AGPAT5: variants seen among roughly 807,000 people sequenced by gnomAD.
AGPAT5 encodes 1-acylglycerol-3-phosphate O-acyltransferase 5.
AGPAT5 carries 46 observed loss-of-function variants against 45.6 expected under a neutral mutation model. The observed-to-expected ratio is 1.01, with a 90% CI of 0.80 to 1.29. The LOEUF (loss-of-function observed/expected upper bound fraction) is 1.29, where lower values mean the gene tolerates loss of function less well. AGPAT5 is among the 50% of genes most tolerant of loss of function. The pLI is 0.00. For missense variants in AGPAT5, 673 were observed against 450.7 expected, an observed-to-expected ratio of 1.49 and a Z score of -4.47; for synonymous variants, 272 against 167.0, an observed-to-expected ratio of 1.63 and a Z score of -4.85.
In AGPAT5 at chr8:6,747,741, A is replaced by T; in HGVS notation, c.658A>T (p.Asn220Tyr). The change falls in exon 6 of 8, where the codon AAT becomes TAT. Residue 220 changes from asparagine (N) to tyrosine (Y), a missense_variant. By Grantham distance (143) the Asn-to-Tyr change is moderately radical (BLOSUM62 -2). Transcript: ENST00000285518. ...ATHVAFDCMK[N>Y]YLDAIYDVTV... is the part of the protein sequence containing the mutation. The stretch of plus-strand genomic sequence containing the variant: ...TCACGTTGCTTTTGATTGCATGAAG[A>T]ATTATTTAGATGCAATTTATGATGT... The T allele has an allele frequency of 6.2e-7, 1 of 1,614,206 alleles. No homozygotes were observed. Among genetic ancestry groups the T allele is most frequent in the African/African-American group, 1.3e-5 (1 of 75,048 alleles).
intron 4 of AGPAT5, 106 bp downstream of exon 4, chr8:6,732,756 A>G (rs1800909457): frequency 9.9e-7 from 1 of 1,012,986 alleles, no homozygotes; most frequent in South Asian, 1.8e-5. Flanking sequence ...TCCCATGTGT[A>G]ATTACTAATT....
In AGPAT5 at chr8:6,757,452, C is replaced by T; in HGVS notation, c.*64C>T. 1 of 1,249,504 alleles carries T rather than the reference C, an allele frequency of 8.0e-7. No homozygotes were observed. The allele number at this position is 1,249,504 out of a possible 1,614,324, so 77.4% of individuals were successfully genotyped here. A position where few individuals can be genotyped will look rare whatever the true frequency, so the allele number is the denominator to read the frequency against. ...GTCTATTTTTGGCGGCTGCACATGA[C>T]ATCAAATTGTTTCCTGAATTTATTA... On this transcript the variant is annotated 3_prime_UTR_variant, in exon 8 of 8. Coordinates refer to ENST00000285518, the MANE Select transcript of AGPAT5 (RefSeq NM_018361.5).
At chr8:6,752,048 G>A (rs890086437) in intron 6 of AGPAT5, among the ~76,000 whole-genome samples, 15 of 152,042 alleles carry the variant, frequency 9.9e-5, no homozygotes, top group Admixed American at 2.0e-4. Context: ...ACAGTGGTAG[G>A]CACCTGTAAT....
chr8:6,726,351 C>T (rs978104598), intron 2 of AGPAT5, among the ~76,000 whole-genome samples: 5 of 152,118 alleles, frequency 3.3e-5, no homozygotes, highest in East Asian at 1.9e-4. Context: ...TATTTTGATC[C>T]AGTGTTAATT....
At chr8:6,727,849 A>T (rs1451512370) in intron 2 of AGPAT5, among the ~76,000 whole-genome samples, 1 of 152,232 alleles carries the variant, frequency 6.6e-6, no homozygotes, top group Admixed American at 6.5e-5. Flanking sequence ...GTTCTGCAAT[A>T]GGCTGTGTGT....
chr8:6,724,988 T>C (rs1285062774), intron 2 of AGPAT5, 49 bp downstream of exon 2: 1 of 722,354 alleles, frequency 1.4e-6, no homozygotes, highest in East Asian at 3.6e-5. Context: ...AGATGGCACA[T>C]GGGCATTCAA....
At position 6,708,663 on chromosome 8, in the gene AGPAT5, G is replaced by T; in HGVS notation, c.-6G>T. 6.4e-7 allele frequency: 1 copy of T among 1,563,416 alleles called. No homozygotes were observed. Among genetic ancestry groups the T allele is most frequent in the Non-Finnish European group, 8.6e-7 (1 of 1,161,944 alleles). On this transcript the variant is annotated 5_prime_UTR_variant, in exon 1 of 8. Coordinates refer to ENST00000285518, the MANE Select transcript of AGPAT5 (RefSeq NM_018361.5). ...AGGCGGAGCTCGCTGCCGCCGAGCT[G>T]AGAAGATGCTGCTGTCCCTGGTGCT...
Position 6,732,651 on chromosome 8 carries a change from G to A in AGPAT5, c.495+1G>A. ...GAGCTACGTGGACGCAGGAACTCCA[G>A]TAAGAGCCTACCCGTTTTTATTTTT... is the stretch of plus-strand genomic sequence containing the variant. On this transcript the variant is annotated splice_donor_variant, in intron 4 of 7. Coordinates refer to ENST00000285518, the MANE Select transcript of AGPAT5 (RefSeq NM_018361.5). LOFTEE classifies it high-confidence loss of function. 6.3e-7 allele frequency: 1 copy of A among 1,595,462 alleles called. No individual in the cohort carries two copies. Among genetic ancestry groups the A allele is most frequent in the Non-Finnish European group, 8.5e-7 (1 of 1,174,806 alleles).
At chr8:6,739,287 CTG>C (rs1801158398) in intron 4 of AGPAT5, among the ~76,000 whole-genome samples, 1 of 151,944 alleles carries the variant, frequency 6.6e-6, no homozygotes, top group Admixed American at 6.6e-5. Context: ...TTTTGCATTT[CTG>C]TGTGAATTAT....
chr8:6,735,353 C>T (rs563818777), intron 4 of AGPAT5, among the ~76,000 whole-genome samples: 22 of 152,232 alleles, frequency 1.4e-4, no homozygotes, highest in African/African-American at 4.6e-4. Context: ...CTTCCCTGAC[C>T]GCAGTGTGTT....
At chr8:6,729,345 C>CTTT (rs57365087) in intron 2 of AGPAT5, among the ~76,000 whole-genome samples, 6,635 of 143,168 alleles carry the variant, frequency 0.046, 477 homozygotes, top group African/African-American at 0.15. Flanking sequence ...TTTCTACAGA[C>CTTT]TTTTTTTTTT....
chr8:6,737,421 T>C (rs1801093538), intron 4 of AGPAT5, among the ~76,000 whole-genome samples: 1 of 152,220 alleles, frequency 6.6e-6, no homozygotes, highest in African/African-American at 2.4e-5. Context: ...TCTTATTCGG[T>C]ATTAGTATTT....
At position 6,757,631 on chromosome 8, in the gene AGPAT5, C is replaced by T. The variant is rs1801891001; in HGVS notation, c.*243C>T. On this transcript the variant is annotated 3_prime_UTR_variant, in exon 8 of 8. Transcript: ENST00000285518. ...AAAGCTAAATGGAGTTTCTCCTGCT[C>T]TGTCCATTTCCTATGAACTAATGAC... The T allele has an allele frequency of 2.4e-6, 1 of 413,112 alleles. No individual in the cohort carries two copies. 25.6% of individuals were successfully genotyped at this position (413,112 alleles called of 1,614,324 possible). A position where few individuals can be genotyped will look rare whatever the true frequency, so the allele number is the denominator to read the frequency against.
Position 6,708,841 on chromosome 8 carries a change from A to C in AGPAT5, c.173A>C (p.Tyr58Ser). 1.2e-6 allele frequency: 2 copies of C among 1,611,240 alleles called. No homozygotes were observed. Among genetic ancestry groups the C allele is most frequent in the Non-Finnish European group, 1.7e-6 (2 of 1,179,470 alleles). ...QALDDRLYCVYQSMVLFFFEN... is the reference protein window; with the variant it reads ...QALDDRLYCVSQSMVLFFFEN... Reference sequence around the variant, plus strand: ...CTGGACGACCGGCTCTACTGCGTCTACCAGAGCATGGTGCTCTTCTTCTTC... The same window carrying C: ...CTGGACGACCGGCTCTACTGCGTCTCCCAGAGCATGGTGCTCTTCTTCTTC... The change falls in exon 1 of 8, where the codon TAC (tyrosine) becomes TCC (serine). Residue 58 changes from tyrosine to serine, a missense_variant. Physicochemically the swap from Tyr to Ser is moderately radical, Grantham distance 144. Transcript: ENST00000285518.
chr8:6,735,848 CCTTTT>C (rs1365577016), intron 4 of AGPAT5, among the ~76,000 whole-genome samples: 9 of 53,632 alleles, frequency 1.7e-4, no homozygotes, highest in Admixed American at 2.9e-4. Context: ...CTTTATATAG[CCTTTT>C]TTTTTTTTTT....
chr8:6,749,065 A>C (rs965707278), intron 6 of AGPAT5, among the ~76,000 whole-genome samples: 1 of 152,260 alleles, frequency 6.6e-6, no homozygotes. Context: ...TTCTAGACGT[A>C]GTACTGTGCA....
At chr8:6,732,177 A>AGTATG (rs10646552) in intron 3 of AGPAT5, among the ~76,000 whole-genome samples, 3 of 151,390 alleles carry the variant, frequency 2.0e-5, no homozygotes, top group Admixed American at 2.0e-4. Context: ...AAAGATCGTG[A>AGTATG]GACATGTTAA....
chr8:6,750,212 G>T (rs970638267), intron 6 of AGPAT5, among the ~76,000 whole-genome samples: 3 of 152,170 alleles, frequency 2.0e-5, no homozygotes, highest in Non-Finnish European at 4.4e-5. Flanking sequence ...TACAGTGCTG[G>T]CACTTAGCAC....
At chr8:6,712,478 G>C (rs1483567882) in intron 1 of AGPAT5, among the ~76,000 whole-genome samples, 1 of 152,040 alleles carries the variant, frequency 6.6e-6, no homozygotes. Context: ...CTGGTGTTTG[G>C]TTTGTTTGCC....
Sources: gnomAD v4.1 joint callset for allele counts (sites outside exome capture counted in the v4.1 genomes callset) on GRCh38, gnomAD v4.1.1 for gene constraint, MANE v1.5 for transcripts, NCBI Gene and HGNC (gene_info 2026-07-23, HGNC 2026-07-21) for gene names.